The following VWA3B variants were observed in gnomAD, a reference collection of about 807,000 sequenced individuals.
VWA3B encodes von Willebrand factor A domain containing 3B.
In VWA3B, 138 loss-of-function variants were observed where a neutral mutation model predicts 158.3. The ratio of observed to expected loss-of-function variants is 0.87; its 90% CI spans 0.76 to 1.00. VWA3B has a LOEUF of 1.00. VWA3B is among the 50% of genes least tolerant of loss of function. VWA3B has a pLI of 0.00. For synonymous variants in VWA3B, 596 were observed against 587.3 expected, an observed-to-expected ratio of 1.01 and a Z score of -0.21; for missense variants, 1,555 against 1,565.1, an observed-to-expected ratio of 0.99 and a Z score of 0.11.
chr2:98,320,523 C>T, the VWA3B span, among the ~76,000 whole-genome samples: 1 of 152,170 alleles, frequency 6.6e-6, no homozygotes, highest in Non-Finnish European at 1.5e-5. Context: ...TTCCTAGAGA[C>T]TCATTGAATG....
At chr2:98,208,862 C>CT (rs1386015022) in intron 12 of VWA3B, among the ~76,000 whole-genome samples, 1 of 152,088 alleles carries the variant, frequency 6.6e-6, no homozygotes, top group Non-Finnish European at 1.5e-5. Flanking sequence ...AAAGTCCAGG[C>CT]TTTTTTCTTT....
At chr2:98,157,231 T>C (rs762266015) in intron 7 of VWA3B, among the ~76,000 whole-genome samples, 1 of 152,178 alleles carries the variant, frequency 6.6e-6, no homozygotes, top group African/African-American at 2.4e-5. Context: ...GTGAAACATA[T>C]CTATTCATTG....
intron 19 of VWA3B, among the ~76,000 whole-genome samples, chr2:98,246,933 T>C (rs1686434297): frequency 1.3e-5 from 2 of 152,158 alleles, no homozygotes; most frequent in African/African-American, 4.8e-5. Context: ...CTGTTAAATG[T>C]CATTTTTAAA....
chr2:98,106,905 G>C (rs1673707516), intron 2 of VWA3B, among the ~76,000 whole-genome samples: 1 of 152,136 alleles, frequency 6.6e-6, no homozygotes, highest in South Asian at 2.1e-4. Flanking sequence ...ATGTTGAATA[G>C]CAACGGTAAG....
In VWA3B at chr2:98,119,800, T is replaced by G. The variant is rs745716689; in HGVS notation, c.542+37T>G. 1.9e-6 allele frequency: 3 copies of G among 1,606,784 alleles called. No individual in the cohort carries two copies. In the East Asian group the frequency reaches 6.7e-5, roughly 36 times the overall value. Reference sequence around the variant, plus strand: ...TAGGAAGGGAGTATTTTAGTGAAAGTTCATAGTAATTTGTACATATTTGGA... The same window carrying G: ...TAGGAAGGGAGTATTTTAGTGAAAGGTCATAGTAATTTGTACATATTTGGA... On this transcript the variant is annotated intron_variant, in intron 4 of 27. Coordinates refer to ENST00000477737, the MANE Select transcript of VWA3B (RefSeq NM_144992.5).
At chr2:98,099,755 T>C (rs1682956731) in intron 2 of VWA3B, among the ~76,000 whole-genome samples, 1 of 152,096 alleles carries the variant, frequency 6.6e-6, no homozygotes, top group East Asian at 1.9e-4. Context: ...CATTCCCTTT[T>C]TCTTTTTTAT....
At chr2:98,215,806 G>A (rs751127619) in intron 13 of VWA3B, among the ~76,000 whole-genome samples, 4 of 152,136 alleles carry the variant, frequency 2.6e-5, no homozygotes, top group African/African-American at 9.7e-5. Context: ...GTGAGCCACC[G>A]CGCCCAGCCA....
chr2:98,275,616 C>A (rs1055813560), intron 22 of VWA3B, among the ~76,000 whole-genome samples: 2 of 152,214 alleles, frequency 1.3e-5, no homozygotes, highest in African/African-American at 4.8e-5. Flanking sequence ...GTTGTGAGAC[C>A]ACGTACTTCA....
In VWA3B at chr2:98,144,435, C is replaced by T. The variant is rs77733732; in HGVS notation, c.988+10496C>T. 5.1e-3 allele frequency among the ~76,000 whole-genome samples: 780 copies of T among 151,748 alleles called. 17 individuals are homozygous for T. In the East Asian group the frequency reaches 0.088, roughly 17 times the overall value. Reference sequence around the variant, plus strand: ...AATATATTGTACTCAGTTCCCAATTCGAGTCCATTCCATTTACTTTGGTTT... The same window carrying T: ...AATATATTGTACTCAGTTCCCAATTTGAGTCCATTCCATTTACTTTGGTTT... On this transcript the variant is annotated intron_variant, in intron 7 of 27. Coordinates refer to ENST00000477737, the MANE Select transcript of VWA3B (RefSeq NM_144992.5).
intron 10 of VWA3B, among the ~76,000 whole-genome samples, chr2:98,189,959 C>T (rs1681435302): frequency 6.6e-6 from 1 of 152,052 alleles, no homozygotes; most frequent in South Asian, 2.1e-4. Flanking sequence ...TTCTTACAGA[C>T]ACAAGATATA....
At chr2:98,288,442 T>C (rs1359128467) in intron 22 of VWA3B, among the ~76,000 whole-genome samples, 1 of 152,166 alleles carries the variant, frequency 6.6e-6, no homozygotes, top group Non-Finnish European at 1.5e-5. Context: ...ATGGTTTACA[T>C]TGTAGTTCAG....
At chr2:98,150,381 T>G (rs1357593374) in intron 7 of VWA3B, among the ~76,000 whole-genome samples, 1 of 152,236 alleles carries the variant, frequency 6.6e-6, no homozygotes, top group Non-Finnish European at 1.5e-5. Flanking sequence ...GGTAGTGCAT[T>G]ACATTTTACG....
intron 2 of VWA3B, among the ~76,000 whole-genome samples, chr2:98,106,415 A>T (rs935229180): frequency 6.6e-6 from 1 of 152,156 alleles, no homozygotes; most frequent in Non-Finnish European, 1.5e-5. Context: ...CTACAAAAAT[A>T]TTGCTATAAT....
chr2:98,258,553 T>C (rs866483747), intron 21 of VWA3B, among the ~76,000 whole-genome samples: 9 of 151,874 alleles, frequency 5.9e-5, no homozygotes, highest in South Asian at 4.1e-4. Flanking sequence ...GTTTTCAGTA[T>C]ACCTGCCTTT....
intron 19 of VWA3B, among the ~76,000 whole-genome samples, chr2:98,242,950 AAC>A (rs1574177375): frequency 6.6e-6 from 1 of 151,956 alleles, no homozygotes; most frequent in East Asian, 1.9e-4. Context: ...AAAAATTTAA[AAC>A]AGTTATCACA....
chr2:98,301,714 G>A (rs148705123), intron 25 of VWA3B, among the ~76,000 whole-genome samples: 43 of 152,250 alleles, frequency 2.8e-4, no homozygotes, highest in African/African-American at 9.9e-4. Flanking sequence ...CTGTTGGATC[G>A]TTTGTCTTTT....
rs1477955817 is a variant in VWA3B at position 98,176,485 on chromosome 2, C to T, written c.1115-4531C>T. Among the ~76,000 whole-genome samples the T allele has an allele frequency of 4.3e-5, 6 of 140,280 alleles. No individual in the cohort carries two copies. The East Asian group carries it at 1.5e-3, about 34-fold the overall frequency. The allele number at this position is 140,280 out of a possible 152,430, so 92.0% of individuals were successfully genotyped here. ...TCCTTCCTTCCTTCCTTCCCTTCTT[C>T]GGTCTTCCCCTCCCTCCCTTCTTTC... is the stretch of plus-strand genomic sequence containing the variant. On this transcript the variant is annotated intron_variant, in intron 8 of 27. Coordinates refer to ENST00000477737, the MANE Select transcript of VWA3B (RefSeq NM_144992.5).
intron 21 of VWA3B, among the ~76,000 whole-genome samples, chr2:98,268,254 C>A (rs1687972824): frequency 6.6e-6 from 1 of 151,782 alleles, no homozygotes; most frequent in Non-Finnish European, 1.5e-5. Context: ...GAATTTTAGA[C>A]CAATATCCTT....
rs929170611 is a variant in VWA3B, at chr2:98,282,408, A to G, written c.3046-8103A>G. 2.0e-5 allele frequency among the ~76,000 whole-genome samples: 3 copies of G among 152,042 alleles called. No individual in the cohort carries two copies. The East Asian group carries it at 5.8e-4, about 29-fold the overall frequency. On this transcript the variant is annotated intron_variant, in intron 22 of 27. Coordinates refer to ENST00000477737, the MANE Select transcript of VWA3B (RefSeq NM_144992.5). Reference sequence around the variant, plus strand: ...TTGCCAATAGTAATAACAGTTGGAAACAAAGCAGAGTAAACATGAATTACT... The same window carrying G: ...TTGCCAATAGTAATAACAGTTGGAAGCAAAGCAGAGTAAACATGAATTACT...
Sources: gnomAD v4.1 joint callset for allele counts (sites outside exome capture counted in the v4.1 genomes callset) on GRCh38, gnomAD v4.1.1 for gene constraint, MANE v1.5 for transcripts, NCBI Gene and HGNC (gene_info 2026-07-23, HGNC 2026-07-21) for gene names.